Variants in MN1 observed in about 807,000 individuals in gnomAD.
MN1 encodes the protein transcriptional activator MN1.
In MN1, 19 loss-of-function variants were observed where a neutral mutation model predicts 86.9. The ratio of observed to expected loss-of-function variants is 0.22; its 90% confidence interval spans 0.15 to 0.32. The LOEUF is 0.32. Among genes scored for constraint, MN1 ranks in the 10% least tolerant of loss-of-function variants. The pLI is 1.00. For missense variants in MN1, 1,841 were observed against 1,862.0 expected (o/e 0.99, Z 0.21); for synonymous variants, 928 against 849.6 (o/e 1.09, Z -1.60).
intron 1 of MN1, among the ~76,000 whole-genome samples, chr22:27,760,905 C>T (rs892196031): frequency 2.0e-5 from 3 of 152,194 alleles, no homozygotes; most frequent in African/African-American, 7.2e-5. Context: ...CAGGCTCAGT[C>T]GGTCACAGTG....
chr22:27,795,640 G>C (rs1315886775), intron 1 of MN1, among the ~76,000 whole-genome samples: 1 of 151,256 alleles, frequency 6.6e-6, no homozygotes, highest in African/African-American at 2.4e-5. Context: ...AGAAAGAAAT[G>C]ATGTTACCTG....
rs982095100 is a variant in MN1, at chr22:27,801,743, G to A, written c.-1200C>T. Among the ~76,000 whole-genome samples, 1 of 152,208 alleles carries A rather than the reference G, an allele frequency of 6.6e-6. No homozygotes were observed. The highest frequency in any genetic ancestry group is 1.5e-5 in the Non-Finnish European group (1 of 68,034). ...TGTGTCTGCCTCTCGCCCAGCGCCG[G>A]GAGAAGCAGCAACAAGTTTTGCATT... On this transcript the variant is annotated 5_prime_UTR_variant, in exon 1 of 2. Coordinates refer to ENST00000302326, the MANE Select transcript of MN1 (RefSeq NM_002430.3).
At chr22:27,763,323 C>T (rs7290827) in intron 1 of MN1, among the ~76,000 whole-genome samples, 4,056 of 152,222 alleles carry the variant, frequency 0.027, 197 homozygotes, top group African/African-American at 0.092. Context: ...TTTCCTGTGT[C>T]GGGTCAGCAC....
chr22:27,774,007 G>C (rs1439167305), intron 1 of MN1, among the ~76,000 whole-genome samples: 1 of 152,116 alleles, frequency 6.6e-6, no homozygotes, highest in Non-Finnish European at 1.5e-5. Context: ...TGCCCTCTCA[G>C]TGGTAGGGGC....
chr22:27,765,578 C>T (rs998300057), intron 1 of MN1, among the ~76,000 whole-genome samples: 1 of 152,204 alleles, frequency 6.6e-6, no homozygotes, highest in Admixed American at 6.5e-5. Context: ...CATGGCCTGC[C>T]CAGCAAACAG....
chr22:27,780,431 C>T (rs1031749892), intron 1 of MN1, among the ~76,000 whole-genome samples: 1 of 152,178 alleles, frequency 6.6e-6, no homozygotes, highest in Non-Finnish European at 1.5e-5. Flanking sequence ...CTCCAGGGTG[C>T]CGGAGCCCAT....
chr22:27,761,078 G>A (rs934927876), intron 1 of MN1, among the ~76,000 whole-genome samples: 1 of 152,124 alleles, frequency 6.6e-6, no homozygotes, highest in African/African-American at 2.4e-5. Context: ...CACAGTGTGT[G>A]GTTTTTATCA....
intron 1 of MN1, among the ~76,000 whole-genome samples, chr22:27,754,080 C>G (rs1932786865): frequency 6.6e-6 from 1 of 152,180 alleles, no homozygotes; most frequent in Admixed American, 6.5e-5. Context: ...GATGAAGCTC[C>G]TTGCCAAAGG....
Position 27,797,928 on chromosome 22 carries a change from G to T in MN1, c.2616C>A (p.Gly872=). Residue 872 remains glycine (G), a synonymous_variant, in exon 1 of 2, where the codon GGC becomes GGA. Transcript: ENST00000302326. ...QNETDGAAVA[G]NPGSDYFPGG... Reference sequence around the variant, plus strand: ...CTGGGAAGTAATCCGAGCCCGGGTTGCCGGCCACTGCCGCGCCGTCGGTCT... The same window carrying T: ...CTGGGAAGTAATCCGAGCCCGGGTTTCCGGCCACTGCCGCGCCGTCGGTCT... The T allele has an allele frequency of 6.3e-7, 1 of 1,598,896 alleles. No individual in the cohort carries two copies. The highest frequency in any genetic ancestry group is 8.5e-7 in the Non-Finnish European group (1 of 1,172,332).
intron 1 of MN1, among the ~76,000 whole-genome samples, chr22:27,786,416 T>C (rs901679242): frequency 7.2e-5 from 11 of 151,788 alleles, no homozygotes; most frequent in African/African-American, 2.7e-4. Context: ...AAACGATGCA[T>C]TTCTTAAAAG....
intron 1 of MN1, among the ~76,000 whole-genome samples, chr22:27,794,368 G>A (rs913658025): frequency 3.3e-5 from 5 of 152,142 alleles, no homozygotes; most frequent in Admixed American, 1.3e-4. Context: ...ACCTCAATTC[G>A]CTGCTTTATC....
chr22:27,795,511 C>T (rs992851108), intron 1 of MN1, among the ~76,000 whole-genome samples: 1 of 151,804 alleles, frequency 6.6e-6, no homozygotes. Context: ...GCAAGAATTG[C>T]ACTGGGGGGG....
chr22:27,778,537 G>A (rs957681125), intron 1 of MN1, among the ~76,000 whole-genome samples: 2 of 152,232 alleles, frequency 1.3e-5, no homozygotes, highest in Admixed American at 6.5e-5. Flanking sequence ...CCAAGGCTTA[G>A]TGACGTCTGC....
At position 27,749,070 on chromosome 22, in the gene MN1, C is replaced by T. The variant is rs948529925; in HGVS notation, c.*1845G>A. 1.7e-5 allele frequency: 4 copies of T among 231,702 alleles called. No homozygotes were observed. The highest frequency in any genetic ancestry group is 2.6e-5 in the Non-Finnish European group (3 of 117,112). The allele number at this position is 231,702 out of a possible 1,614,324, so 14.4% of individuals were successfully genotyped here. A position where few individuals can be genotyped will look rare whatever the true frequency, so the allele number is the denominator to read the frequency against. On this transcript the variant is annotated 3_prime_UTR_variant, in exon 2 of 2. Transcript: ENST00000302326. ...TTTCTCGCTGATCAATTCATGCCAC[C>T]TGCTTTGTCTGCCCTCTGAAGGCGG...
At chr22:27,788,074 A>G (rs1933160007) in intron 1 of MN1, among the ~76,000 whole-genome samples, 2 of 152,174 alleles carry the variant, frequency 1.3e-5, no homozygotes, top group Non-Finnish European at 2.9e-5. Flanking sequence ...AGCCTAGCCC[A>G]GGTGATGTTG....
At chr22:27,770,096 T>C (rs1484208303) in intron 1 of MN1, among the ~76,000 whole-genome samples, 2 of 152,144 alleles carry the variant, frequency 1.3e-5, no homozygotes, top group African/African-American at 4.8e-5. Context: ...CACGCACAGT[T>C]TCACAGTCCT....
At chr22:27,766,473 G>A (rs1932870979) in intron 1 of MN1, among the ~76,000 whole-genome samples, 1 of 152,124 alleles carries the variant, frequency 6.6e-6, no homozygotes, top group Non-Finnish European at 1.5e-5. Context: ...CAGGGGAGTG[G>A]GGTAAGTGAC....
chr22:27,754,078 T>G (rs547491983), intron 1 of MN1, among the ~76,000 whole-genome samples: 59 of 152,216 alleles, frequency 3.9e-4, no homozygotes, highest in African/African-American at 1.3e-3. Flanking sequence ...GGGATGAAGC[T>G]CCTTGCCAAA....
rs374548289 is a variant in MN1 at position 27,797,501 on chromosome 22, C to G, written c.3043G>C (p.Glu1015Gln). Residue 1015 changes from glutamate to glutamine, a missense_variant, in exon 1 of 2, where the codon GAG becomes CAG. Glu to Gln is a conservative substitution (Grantham distance 29). Transcript: ENST00000302326. The stretch of plus-strand genomic sequence containing the variant: ...TCCGGCTGATCCCCCAGGAGCAACT[C>G]AGCCCCCTTCCCCCAGGATGGCGAC... ...LTSPSWGKGA[E>Q]LLLGDQPDLI... 4.4e-5 allele frequency: 70 copies of G among 1,604,624 alleles called. No individual in the cohort carries two copies. Among genetic ancestry groups the G allele is most frequent in the Non-Finnish European group, 5.2e-5 (61 of 1,175,992 alleles).
Sources: allele counts gnomAD v4.1 joint callset (sites outside exome capture counted in the v4.1 genomes callset), GRCh38; gene constraint gnomAD v4.1.1; transcripts MANE v1.5; gene names NCBI Gene and HGNC (gene_info 2026-07-23, HGNC 2026-07-21).